The following PRKN variants were observed in gnomAD, a reference collection of about 807,000 sequenced individuals.
PRKN encodes parkin RBR E3 ubiquitin protein ligase.
PRKN carries 56 observed loss-of-function variants against 59.5 expected under a neutral mutation model. The observed-to-expected ratio is 0.94, with a 90% confidence interval of 0.76 to 1.18. PRKN has a LOEUF of 1.18. Among genes scored for constraint, PRKN ranks in the 50% most tolerant of loss-of-function variants. PRKN has a pLI of 0.00. For synonymous variants in PRKN, 250 were observed against 222.1 expected, an observed-to-expected ratio of 1.13 and a Z score of -1.12; for missense variants, 657 against 596.4, an observed-to-expected ratio of 1.10 and a Z score of -1.06.
At chr6:162,527,391 T>A (rs1282592868) in intron 1 of PRKN, among the ~76,000 whole-genome samples, 1 of 152,182 alleles carries the variant, frequency 6.6e-6, no homozygotes, top group African/African-American at 2.4e-5. Flanking sequence ...AATAAGTACA[T>A]TCGAGGATTT....
At chr6:162,527,616 G>A (rs1333472110) in intron 1 of PRKN, among the ~76,000 whole-genome samples, 1 of 152,084 alleles carries the variant, frequency 6.6e-6, no homozygotes, top group Non-Finnish European at 1.5e-5. Context: ...TCTTCGTTAC[G>A]ACTGGTTAAA....
chr6:162,196,312 T>C (rs144217959), intron 4 of PRKN, among the ~76,000 whole-genome samples: 3 of 152,330 alleles, frequency 2.0e-5, no homozygotes, highest in African/African-American at 7.2e-5. Context: ...CTGATAAAGT[T>C]TGTTGATATA....
At chr6:162,658,665 AAAAAAAAAGAAAAAAAAAAG>A (rs1445729084) in intron 1 of PRKN, among the ~76,000 whole-genome samples, 21 of 106,998 alleles carry the variant, frequency 2.0e-4, no homozygotes, top group East Asian at 1.0e-3. Flanking sequence ...TGTCAAAAAA[AAAAAAAAAGAAAAAAAAAAG>A]AAAAAAGAAA....
At chr6:162,325,702 C>T (rs776019292) in intron 2 of PRKN, among the ~76,000 whole-genome samples, 1 of 152,086 alleles carries the variant, frequency 6.6e-6, no homozygotes, top group Admixed American at 6.6e-5. Context: ...ATATTTTTAA[C>T]GTACATATGT....
At chr6:162,121,363 T>A (rs948736793) in intron 4 of PRKN, among the ~76,000 whole-genome samples, 1 of 152,190 alleles carries the variant, frequency 6.6e-6, no homozygotes, top group Non-Finnish European at 1.5e-5. Context: ...TCCGAGCATG[T>A]GAGGATATAC....
At chr6:162,055,549 G>A (rs946895411) in intron 4 of PRKN, among the ~76,000 whole-genome samples, 11 of 152,218 alleles carry the variant, frequency 7.2e-5, no homozygotes, top group East Asian at 1.9e-4. Context: ...CGGGAGGGGC[G>A]GAGTAAGAGG....
intron 9 of PRKN, among the ~76,000 whole-genome samples, chr6:161,443,132 A>AC (rs1246823667): frequency 1.3e-5 from 2 of 151,432 alleles, no homozygotes; most frequent in Non-Finnish European, 2.9e-5. Flanking sequence ...ACATGGAAAA[A>AC]CCCCATCTCT....
intron 6 of PRKN, among the ~76,000 whole-genome samples, chr6:161,966,216 C>T (rs998737514): frequency 1.4e-4 from 21 of 151,968 alleles, no homozygotes; most frequent in African/African-American, 4.1e-4. Context: ...TGAGAATATA[C>T]GAATTGTAGG....
At chr6:161,755,451 T>C (rs1449739827) in intron 7 of PRKN, among the ~76,000 whole-genome samples, 3 of 152,168 alleles carry the variant, frequency 2.0e-5, no homozygotes, top group Non-Finnish European at 4.4e-5. Flanking sequence ...GACTCAGTAA[T>C]ATCGAAGGGT....
chr6:161,741,606 A>G (rs79379671), intron 7 of PRKN, among the ~76,000 whole-genome samples: 3,926 of 152,214 alleles, frequency 0.026, 180 homozygotes, highest in African/African-American at 0.09. Flanking sequence ...TGCTTGTCCC[A>G]GTATCAGCCC....
At chr6:162,564,660 T>C (rs549392887) in intron 1 of PRKN, among the ~76,000 whole-genome samples, 1 of 152,270 alleles carries the variant, frequency 6.6e-6, no homozygotes, top group African/African-American at 2.4e-5. Context: ...CAGCAGACTT[T>C]TCAGTGGAAA....
intron 3 of PRKN, among the ~76,000 whole-genome samples, chr6:162,257,044 G>A (rs1461663024): frequency 1.3e-5 from 2 of 152,200 alleles, no homozygotes; most frequent in African/African-American, 4.8e-5. Flanking sequence ...AAAAGCACAA[G>A]GTAGACGGGG....
chr6:162,038,897 G>A (rs539803139), intron 5 of PRKN, among the ~76,000 whole-genome samples: 47 of 152,296 alleles, frequency 3.1e-4, no homozygotes, highest in African/African-American at 1.1e-3. Context: ...GTTCACGCCT[G>A]TAATCCCAAC....
chr6:162,676,286 A>G (rs1000235907), intron 1 of PRKN, among the ~76,000 whole-genome samples: 1 of 152,208 alleles, frequency 6.6e-6, no homozygotes, highest in Non-Finnish European at 1.5e-5. Context: ...ACTTGACAAC[A>G]ATGCTAGAGA....
intron 2 of PRKN, chr6:162,275,492 A>T (rs1209445828): frequency 6.6e-6 from 1 of 152,180 alleles, no homozygotes; most frequent in African/African-American, 2.4e-5. Context: ...ATTATTAAAA[A>T]ATTATAGAAA....
At position 161,445,000 on chromosome 6, in the gene PRKN, G is replaced by GT. The variant is rs889845671; in HGVS notation, c.1084-58124dup. Among the ~76,000 whole-genome samples the GT allele has an allele frequency of 2.0e-5, 3 of 151,326 alleles. No individual in the cohort carries two copies. Among genetic ancestry groups the GT allele is most frequent in the Non-Finnish European group, 4.4e-5 (3 of 67,938 alleles). ...GGCATTTGGCACAATATCTTTTTTTGTTTTTTTAATCTCTAGGTAACCAAC... is the reference window on the plus strand; with the variant it reads ...GGCATTTGGCACAATATCTTTTTTTGTTTTTTTTAATCTCTAGGTAACCAAC... On this transcript the variant is annotated intron_variant, in intron 9 of 11. Coordinates refer to ENST00000366898, the MANE Select transcript of PRKN (RefSeq NM_004562.3). This position sits in a 1 kb window ranked among gnomAD's most constrained non-coding sequence, Gnocchi z 5.6.
chr6:162,407,022 G>A (rs780382445), intron 2 of PRKN, among the ~76,000 whole-genome samples: 3 of 151,882 alleles, frequency 2.0e-5, no homozygotes, highest in Non-Finnish European at 2.9e-5. Context: ...AATTTTGTGC[G>A]GACAGTTACT....
intron 2 of PRKN, among the ~76,000 whole-genome samples, chr6:162,438,750 TTG>T (rs1789902582): frequency 6.6e-6 from 1 of 152,198 alleles, no homozygotes; most frequent in Non-Finnish European, 1.5e-5. Context: ...TTGAATTACG[TTG>T]TGTGTTGGTG....
intron 4 of PRKN, among the ~76,000 whole-genome samples, chr6:162,177,422 T>C (rs1783590301): frequency 1.3e-5 from 2 of 152,206 alleles, no homozygotes; most frequent in South Asian, 4.1e-4. Context: ...CTTTTTTATA[T>C]TGGTTAAGTG....
Sources: allele counts gnomAD v4.1 joint callset (sites outside exome capture counted in the v4.1 genomes callset), GRCh38; gene constraint gnomAD v4.1.1; non-coding constraint Gnocchi (gnomAD v3.1); transcripts MANE v1.5; gene names NCBI Gene and HGNC (gene_info 2026-07-23, HGNC 2026-07-21).